PARVB: variants seen among roughly 807,000 people sequenced by gnomAD.
PARVB encodes beta-parvin.
PARVB carries 46 observed loss-of-function variants against 47.0 expected under a neutral mutation model. The ratio of observed to expected loss-of-function variants is 0.98; its 90% CI spans 0.77 to 1.25. The LOEUF (loss-of-function observed/expected upper bound fraction) is 1.25, where lower values mean the gene tolerates loss of function less well. Ranked by LOEUF, PARVB falls within the 50% of genes most tolerant of loss-of-function variation. The probability of loss-of-function intolerance (pLI) is 0.00; values close to 1 mark genes in which losing one functional copy is unlikely to be tolerated. For synonymous variants in PARVB, 196 were observed against 196.3 expected, an observed-to-expected ratio of 1.00 and a Z score of 0.01; for missense variants, 473 against 471.6, an observed-to-expected ratio of 1.00 and a Z score of -0.03.
chr22:44,037,400 A>G (rs2146908403), intron 1 of PARVB, among the ~76,000 whole-genome samples: 1 of 152,270 alleles, frequency 6.6e-6, no homozygotes, highest in Middle Eastern at 3.4e-3. Flanking sequence ...TCCAGCCTGG[A>G]TGACAGACTG....
chr22:44,081,341 T>G (rs1346410162), intron 1 of PARVB, among the ~76,000 whole-genome samples: 1 of 152,104 alleles, frequency 6.6e-6, no homozygotes, highest in Non-Finnish European at 1.5e-5. Flanking sequence ...CATGGAGGCA[T>G]CTGTGTCACT....
At chr22:44,062,882 T>C (rs2051446105) in intron 1 of PARVB, among the ~76,000 whole-genome samples, 1 of 151,706 alleles carries the variant, frequency 6.6e-6, no homozygotes, top group South Asian at 2.1e-4. Context: ...TTACGGAGGC[T>C]TCATCATGTA....
intron 1 of PARVB, among the ~76,000 whole-genome samples, chr22:44,084,015 T>C (rs1300465367): frequency 6.6e-6 from 1 of 152,192 alleles, no homozygotes; most frequent in Non-Finnish European, 1.5e-5. Context: ...ATAGAAGGTG[T>C]TGCTAGATCC....
chr22:44,166,173 G>A (rs1180043226), intron 12 of PARVB, among the ~76,000 whole-genome samples: 2 of 152,162 alleles, frequency 1.3e-5, no homozygotes, highest in East Asian at 1.9e-4. Flanking sequence ...GCAGTGGCGC[G>A]ATCCCAGCTC....
intron 3 of PARVB, chr22:44,114,840 T>TTACTAGCTAAGGCCCTGC (rs2052829068): frequency 1.9e-5 from 1 of 52,612 alleles, no homozygotes; most frequent in Non-Finnish European, 3.5e-5. Context: ...TAAGGCCCTG[T>TTACTAGCTAAGGCCCTGC]ACCAACACAG....
intron 2 of PARVB, among the ~76,000 whole-genome samples, chr22:44,094,901 C>T (rs1394412083): frequency 6.6e-6 from 1 of 151,620 alleles, no homozygotes; most frequent in Non-Finnish European, 1.5e-5. Context: ...AGGAGCTGTC[C>T]TGAGTCTTCT....
intron 1 of PARVB, among the ~76,000 whole-genome samples, chr22:44,069,647 G>C (rs1042972558): frequency 1.3e-5 from 2 of 152,060 alleles, no homozygotes; most frequent in Non-Finnish European, 2.9e-5. Context: ...TCCTGCCTCA[G>C]CCTCCCAAGT....
intron 1 of PARVB, among the ~76,000 whole-genome samples, chr22:44,084,047 C>T (rs1225355953): frequency 6.6e-6 from 1 of 152,194 alleles, no homozygotes; most frequent in Non-Finnish European, 1.5e-5. Context: ...CTCCCCTTCC[C>T]CGAGCTCTTT....
chr22:44,073,451 G>A (rs1034487418), intron 1 of PARVB, among the ~76,000 whole-genome samples: 2 of 152,236 alleles, frequency 1.3e-5, no homozygotes, highest in African/African-American at 4.8e-5. Context: ...CGGAGGTCGC[G>A]CCATTACACT....
intron 3 of PARVB, chr22:44,116,141 C>T (rs1156991819): frequency 6.6e-6 from 1 of 152,348 alleles, no homozygotes; most frequent in Non-Finnish European, 1.5e-5. Context: ...CTCAGACTTT[C>T]CTTGTTTCTG....
rs117792956 is a variant in PARVB at position 44,099,473 on chromosome 22, A to G, written c.203-580A>G. 1.1e-3 allele frequency among the ~76,000 whole-genome samples: 169 copies of G among 151,906 alleles called. 3 individuals are homozygous for G. In the East Asian group the frequency reaches 0.026, roughly 24 times the overall value. On this transcript the variant is annotated intron_variant, in intron 2 of 12. Transcript: ENST00000338758. ...TGGAGGGAAAGCAAACAGGTAGAGA[A>G]ATAGAAAGAGGGTGAGGCTGAACAC...
chr22:44,133,666 G>A (rs1372580215), intron 6 of PARVB, among the ~76,000 whole-genome samples: 1 of 152,098 alleles, frequency 6.6e-6, no homozygotes, highest in African/African-American at 2.4e-5. Flanking sequence ...AGCCTCCCAG[G>A]TAGCTAGGAC....
intron 2 of PARVB, among the ~76,000 whole-genome samples, chr22:44,094,225 T>C (rs2052242355): frequency 6.6e-6 from 1 of 152,238 alleles, no homozygotes; most frequent in Non-Finnish European, 1.5e-5. Flanking sequence ...TCTGCCCTAG[T>C]CTTAAAACGT....
At chr22:43,999,740 C>T (rs2050392453) in intron 2 of PARVB, 1 of 1,128,020 alleles carries the variant, frequency 8.9e-7, no homozygotes, top group Non-Finnish European at 1.3e-6. Flanking sequence ...ATGCCTGTAA[C>T]CCTAGCACTT....
At chr22:44,116,485 G>A (rs2052905455) in intron 3 of PARVB, among the ~76,000 whole-genome samples, 1 of 152,240 alleles carries the variant, frequency 6.6e-6, no homozygotes, top group Admixed American at 6.5e-5. Flanking sequence ...CAAGGCAGAG[G>A]CCTCGTCTGT....
intron 4 of PARVB, among the ~76,000 whole-genome samples, chr22:44,126,948 T>C (rs551092516): frequency 2.0e-5 from 3 of 152,312 alleles, no homozygotes; most frequent in South Asian, 2.1e-4. Context: ...GTGCCTTCTA[T>C]AGAGCAGAAT....
intron 1 of PARVB, among the ~76,000 whole-genome samples, chr22:44,077,400 A>G (rs1601567079): frequency 6.6e-6 from 1 of 152,170 alleles, no homozygotes. Flanking sequence ...TAATGACCGA[A>G]TCTGCAACTT....
At position 44,006,986 on chromosome 22, in the gene PARVB, A is replaced by G. The variant is rs546286275; in HGVS notation, c.211+7313A>G. ...AAGTGCAGGAGGGGAGCCCCAGATC[A>G]GCTGCTCCCATCCATGTGAGTTCTG... On this transcript the variant is annotated intron_variant, in intron 2 of 13. Coordinates refer to the PARVB transcript ENST00000406477. Among the ~76,000 whole-genome samples the G allele has an allele frequency of 4.9e-4, 74 of 152,352 alleles. 1 individual carries two copies. Among genetic ancestry groups the G allele is most frequent in the African/African-American group, 1.8e-3 (73 of 41,592 alleles).
chr22:44,048,327 T>C (rs1014322729), intron 1 of PARVB, among the ~76,000 whole-genome samples: 3 of 152,154 alleles, frequency 2.0e-5, no homozygotes, highest in Non-Finnish European at 2.9e-5. Flanking sequence ...CTCATGACCA[T>C]GTGGACATAT....
Sources: allele counts gnomAD v4.1 joint callset (sites outside exome capture counted in the v4.1 genomes callset), GRCh38; gene constraint gnomAD v4.1.1; transcripts MANE v1.5; gene names NCBI Gene and HGNC (gene_info 2026-07-23, HGNC 2026-07-21).